SMIM14: variants seen among roughly 807,000 people sequenced by gnomAD.
SMIM14 encodes the protein chromosome 4 open reading frame 34.
Under a neutral mutation model 12.6 loss-of-function variants are expected in SMIM14, and 5 were observed. The ratio of observed to expected loss-of-function variants is 0.40; its 90% CI spans 0.21 to 0.83. The LOEUF (loss-of-function observed/expected upper bound fraction) is 0.83, where lower values mean the gene tolerates loss of function less well. Ranked by LOEUF, SMIM14 falls within the 40% of genes least tolerant of loss-of-function variation. The pLI is 0.37. For missense variants in SMIM14, 86 were observed against 119.1 expected, an observed-to-expected ratio of 0.72 and a Z score of 1.29; for synonymous variants, 30 against 40.1, an observed-to-expected ratio of 0.75 and a Z score of 0.95.
Position 39,563,601 on chromosome 4 carries a change from G to A in SMIM14, c.125-7031C>T, listed in dbSNP as rs367858375. On this transcript the variant is annotated intron_variant, in intron 3 of 4. Coordinates refer to ENST00000295958, the MANE Select transcript of SMIM14 (RefSeq NM_174921.3). Reference sequence around the variant, plus strand: ...ACTATGCAAATTCAGTCTTCCTGGGGTACTCGTTATTTCCCTGTCTGGCAT... The same window carrying A: ...ACTATGCAAATTCAGTCTTCCTGGGATACTCGTTATTTCCCTGTCTGGCAT... Among the ~76,000 whole-genome samples, 77 of 152,272 alleles carry A rather than the reference G, an allele frequency of 5.1e-4. No homozygotes were observed. In the South Asian group the frequency reaches 0.016, roughly 31 times the overall value.
intron 2 of SMIM14, 84 bp downstream of exon 2, chr4:39,604,987 C>T: frequency 1.2e-6 from 1 of 832,590 alleles, no homozygotes; most frequent in Non-Finnish European, 2.0e-6. Flanking sequence ...CAGATGAAAA[C>T]CCTCCAATAA....
At chr4:39,569,410 CTTGT>C (rs1712766835) in intron 3 of SMIM14, among the ~76,000 whole-genome samples, 1 of 152,172 alleles carries the variant, frequency 6.6e-6, no homozygotes, top group African/African-American at 2.4e-5. Flanking sequence ...CTTACTGCGT[CTTGT>C]TTCAGTTTCA....
rs543531448 is a variant in SMIM14 at position 39,625,190 on chromosome 4, T to C, written c.-36+13549A>G. Among the ~76,000 whole-genome samples the C allele has an allele frequency of 7.1e-4, 103 of 144,756 alleles. 2 individuals are homozygous for C. Among genetic ancestry groups the C allele is most frequent in the Non-Finnish European group, 1.2e-3 (83 of 66,854 alleles). The allele number at this position is 144,756 out of a possible 152,430, so 95.0% of individuals were successfully genotyped here. On this transcript the variant is annotated intron_variant, in intron 1 of 4. Coordinates refer to ENST00000295958, the MANE Select transcript of SMIM14 (RefSeq NM_174921.3). ...CTGAGATCATGCCATTGCACTCCAG[T>C]CTGGGCAACAGGGTGAGACATCATC...
chr4:39,614,081 T>C (rs907383000), intron 1 of SMIM14, among the ~76,000 whole-genome samples: 1 of 150,234 alleles, frequency 6.7e-6, no homozygotes, highest in African/African-American at 2.4e-5. Context: ...TAATCCCAGC[T>C]GCTTGGGAGG....
intron 3 of SMIM14, among the ~76,000 whole-genome samples, chr4:39,564,507 A>G (rs1307982786): frequency 1.3e-5 from 2 of 152,196 alleles, no homozygotes; most frequent in African/African-American, 2.4e-5. Context: ...ATCTGAAAAA[A>G]TCTGAAACTG....
At chr4:39,553,127 C>T (rs976470681) in intron 4 of SMIM14, among the ~76,000 whole-genome samples, 6 of 148,600 alleles carry the variant, frequency 4.0e-5, no homozygotes, top group Non-Finnish European at 4.5e-5. Flanking sequence ...GTGGTGAGAT[C>T]TCGGCTCACT....
At chr4:39,637,696 A>T (rs1263616579) in intron 1 of SMIM14, among the ~76,000 whole-genome samples, 2 of 152,296 alleles carry the variant, frequency 1.3e-5, no homozygotes, top group Middle Eastern at 3.4e-3. Flanking sequence ...GCTACACTAA[A>T]GGAATCTGCG....
In SMIM14 at chr4:39,631,555, A is replaced by G. The variant is rs1578372663; in HGVS notation, c.-36+7184T>C. 3.3e-5 allele frequency among the ~76,000 whole-genome samples: 5 copies of G among 152,030 alleles called. No individual in the cohort carries two copies. The East Asian group carries it at 9.7e-4, about 29-fold the overall frequency. On this transcript the variant is annotated intron_variant, in intron 1 of 4. Transcript: ENST00000295958. ...GTACCTGTAGTCCCAGCTACTCGGGAGGCTGAGGCAGGAGAATGGCATGAA... is the reference window on the plus strand; with the variant it reads ...GTACCTGTAGTCCCAGCTACTCGGGGGGCTGAGGCAGGAGAATGGCATGAA...
At chr4:39,583,140 G>A (rs1036385361) in intron 2 of SMIM14, among the ~76,000 whole-genome samples, 1 of 152,042 alleles carries the variant, frequency 6.6e-6, no homozygotes, top group Non-Finnish European at 1.5e-5. Flanking sequence ...CCTGGCTGGT[G>A]TGCAGTGGCA....
At chr4:39,632,110 T>G (rs1236374017) in intron 1 of SMIM14, among the ~76,000 whole-genome samples, 2 of 152,104 alleles carry the variant, frequency 1.3e-5, no homozygotes, top group Non-Finnish European at 2.9e-5. Context: ...AAATATGCAT[T>G]TATAATTTAA....
chr4:39,633,313 T>A (rs976031310), intron 1 of SMIM14, among the ~76,000 whole-genome samples: 2 of 152,072 alleles, frequency 1.3e-5, no homozygotes, highest in Non-Finnish European at 2.9e-5. Context: ...AATTAAGAAG[T>A]CTTTAATATA....
At chr4:39,623,715 A>C (rs1029180548) in intron 1 of SMIM14, among the ~76,000 whole-genome samples, 2 of 152,240 alleles carry the variant, frequency 1.3e-5, no homozygotes, top group African/African-American at 4.8e-5. Flanking sequence ...CAAAAAAATT[A>C]GCCGGGTGTG....
intron 2 of SMIM14, among the ~76,000 whole-genome samples, chr4:39,596,477 G>A (rs1714369412): frequency 6.6e-6 from 1 of 152,086 alleles, no homozygotes; most frequent in Non-Finnish European, 1.5e-5. Context: ...AAACTAAATG[G>A]TCAGGACTGA....
chr4:39,604,157 T>C (rs949302012), intron 2 of SMIM14, among the ~76,000 whole-genome samples: 2 of 152,170 alleles, frequency 1.3e-5, no homozygotes, highest in Non-Finnish European at 2.9e-5. Context: ...ACAATTTTAT[T>C]TGTATTGATA....
chr4:39,598,810 TA>T (rs1425098991), intron 2 of SMIM14, among the ~76,000 whole-genome samples: 1 of 152,152 alleles, frequency 6.6e-6, no homozygotes, highest in Non-Finnish European at 1.5e-5. Flanking sequence ...TTCATCTTTC[TA>T]AAAAAGTCTC....
intron 2 of SMIM14, among the ~76,000 whole-genome samples, chr4:39,597,129 A>G (rs1451310343): frequency 4.2e-5 from 6 of 141,896 alleles, no homozygotes; most frequent in African/African-American, 1.3e-4. Flanking sequence ...CTATCATTCT[A>G]AGGTTCCCCA....
intron 3 of SMIM14, among the ~76,000 whole-genome samples, chr4:39,559,761 T>G (rs1392547232): frequency 6.6e-6 from 1 of 152,096 alleles, no homozygotes; most frequent in Non-Finnish European, 1.5e-5. Flanking sequence ...AGAGCTGAGC[T>G]GGCCTAAGAG....
Position 39,604,004 on chromosome 4 carries a change from C to A in SMIM14, c.75+1067G>T, listed in dbSNP as rs1466126673. Among the ~76,000 whole-genome samples, 3 of 135,440 alleles carry A rather than the reference C, an allele frequency of 2.2e-5. No individual in the cohort carries two copies. The South Asian group carries it at 7.2e-4, about 32-fold the overall frequency. 88.9% of individuals were successfully genotyped at this position (135,440 alleles called of 152,430 possible). On this transcript the variant is annotated intron_variant, in intron 2 of 4. Coordinates refer to ENST00000295958, the MANE Select transcript of SMIM14 (RefSeq NM_174921.3). ...CCAGCCTGGGTGGCAGAGTGAGACA[C>A]TGTCTCAAAAAAAAAAAAAAAAGAA...
rs567267934 is a variant in SMIM14, at chr4:39,624,561, T to C, written c.-36+14178A>G. ...TAGTTTGGCCAGGCGCAGTGGCTCA[T>C]GCCTGTCATTCCAGCATTTTGGGAG... On this transcript the variant is annotated intron_variant, in intron 1 of 4. Coordinates refer to ENST00000295958, the MANE Select transcript of SMIM14 (RefSeq NM_174921.3). Among the ~76,000 whole-genome samples, 16 of 152,312 alleles carry C rather than the reference T, an allele frequency of 1.1e-4. No homozygotes were observed. The South Asian group carries it at 3.1e-3, about 30-fold the overall frequency.
Sources: allele counts gnomAD v4.1 joint callset (sites outside exome capture counted in the v4.1 genomes callset), GRCh38; gene constraint gnomAD v4.1.1; transcripts MANE v1.5; gene names NCBI Gene and HGNC (gene_info 2026-07-23, HGNC 2026-07-21).